LRP5: variants seen among roughly 807,000 people sequenced by gnomAD.
LRP5 encodes the protein low-density lipoprotein receptor-related protein 5.
A neutral mutation model predicts 154.1 loss-of-function variants in LRP5; 62 were observed. That is an observed-to-expected ratio of 0.40 (90% CI 0.33 to 0.50). The LOEUF (loss-of-function observed/expected upper bound fraction) is 0.50. Among genes scored for constraint, LRP5 ranks in the 20% least tolerant of loss-of-function variants. The probability of loss-of-function intolerance (pLI) is 0.55; values close to 1 mark genes in which losing one functional copy is unlikely to be tolerated. For missense variants in LRP5, 1,915 were observed against 2,336.7 expected (o/e 0.82, Z 3.72); for synonymous variants, 966 against 1,011.5 (o/e 0.96, Z 0.85).
intron 5 of LRP5, among the ~76,000 whole-genome samples, chr11:68,385,922 C>G (rs1369514321): frequency 6.6e-6 from 1 of 152,056 alleles, no homozygotes; most frequent in Admixed American, 6.6e-5. Flanking sequence ...GGGTCTGCAG[C>G]CTGGTACCCG....
At position 68,410,103 on chromosome 11, in the gene LRP5, G is replaced by T; in HGVS notation, c.2281G>T (p.Asp761Tyr). 1 of 1,613,952 alleles carries T rather than the reference G, an allele frequency of 6.2e-7. No homozygotes were observed. The highest frequency in any genetic ancestry group is 8.5e-7 in the Non-Finnish European group (1 of 1,180,030). Residue 761 changes from aspartate (D) to tyrosine (Y), a missense_variant, in exon 10 of 23, where the codon GAC becomes TAC. Physicochemically the swap from Asp to Tyr is radical, Grantham distance 160. This residue lies in a region of LRP5 where 773 missense variants were observed against 1,100.9 expected (regional missense o/e 0.70). Coordinates refer to ENST00000294304, the MANE Select transcript of LRP5 (RefSeq NM_002335.4). Reference protein sequence around the residue: ...FRQVLVWRDLDNPRSLALDPT... With the variant: ...FRQVLVWRDLYNPRSLALDPT... ...GCAAGTCCTCGTGTGGAGGGACTTG[G>T]ACAACCCGAGGTCGCTGGCCCTGGA... is the stretch of plus-strand genomic sequence containing the variant.
rs143929274 is a variant in LRP5 at position 68,371,394 on chromosome 11, C to T, written c.1015+5692C>T. ...GGTGAGTCAGAGCCGGACCTGTGAGCGGGGCCAGAATGGGGCGCGGGCTTC... is the reference window on the plus strand; with the variant it reads ...GGTGAGTCAGAGCCGGACCTGTGAGTGGGGCCAGAATGGGGCGCGGGCTTC... On this transcript the variant is annotated intron_variant, in intron 5 of 22. Coordinates refer to ENST00000294304, the MANE Select transcript of LRP5 (RefSeq NM_002335.4). Among the ~76,000 whole-genome samples the T allele has an allele frequency of 7.1e-3, 1,081 of 152,294 alleles. 12 individuals carry two copies. The highest frequency in any genetic ancestry group is 0.025 in the African/African-American group (1,037 of 41,554).
chr11:68,311,560 G>A (rs1461485237), upstream of LRP5, among the ~76,000 whole-genome samples: 10 of 152,112 alleles, frequency 6.6e-5, no homozygotes, highest in Non-Finnish European at 7.4e-5. Context: ...TTAATTTTCC[G>A]TCTTCTTGTT....
rs1304872354 is a variant in LRP5 at position 68,447,797 on chromosome 11, A to G, written c.4587-1012A>G. Among the ~76,000 whole-genome samples the G allele has an allele frequency of 2.0e-5, 3 of 152,026 alleles. No homozygotes were observed. The highest frequency in any genetic ancestry group is 4.4e-5 in the Non-Finnish European group (3 of 68,006). ...TCTGTGACAGGACGGGGGCTCCTAA[A>G]CACACCACAGTTCCGAGTCTGAACT... On this transcript the variant is annotated intron_variant, in intron 22 of 22. Coordinates refer to ENST00000294304, the MANE Select transcript of LRP5 (RefSeq NM_002335.4). The surrounding 1 kb of genome is among the most constrained non-coding windows in gnomAD (Gnocchi z 4.3).
intron 6 of LRP5, among the ~76,000 whole-genome samples, chr11:68,389,568 C>T (rs1363110599): frequency 6.6e-6 from 1 of 151,662 alleles, no homozygotes; most frequent in East Asian, 1.9e-4. Flanking sequence ...CGACGTTTAC[C>T]GACGCCAGCA....
At chr11:68,406,852 G>T in intron 9 of LRP5, 39 bp downstream of exon 9, 1 of 1,606,238 alleles carries the variant, frequency 6.2e-7, no homozygotes, top group Non-Finnish European at 8.5e-7. Context: ...CAGCCTTTAT[G>T]GGAAAACCTT....
At chr11:68,313,700 T>A (rs1396387094) in intron 1 of LRP5, among the ~76,000 whole-genome samples, 1 of 152,262 alleles carries the variant, frequency 6.6e-6, no homozygotes, top group Non-Finnish European at 1.5e-5. Context: ...GATGTGCGTG[T>A]TTTGTTTTTC....
At chr11:68,389,214 GCTGGCATCTACTGACACCGATGCCAGCA>G (rs2098644815) in intron 6 of LRP5, among the ~76,000 whole-genome samples, 8 of 150,690 alleles carry the variant, frequency 5.3e-5, no homozygotes, top group South Asian at 2.1e-4. Context: ...ATCTACTGAC[GCTGGCATCTACTGACACCGATGCCAGCA>G]TCTACCAACA....
chr11:68,329,486 C>T (rs1443340906), intron 1 of LRP5, among the ~76,000 whole-genome samples: 10 of 152,212 alleles, frequency 6.6e-5, no homozygotes, highest in Admixed American at 5.9e-4. Flanking sequence ...TTGAATTATA[C>T]GAGTGTTTTC....
Position 68,353,716 on chromosome 11 carries a change from G to C in LRP5, c.489-3934G>C, listed in dbSNP as rs1023536483. On this transcript the variant is annotated intron_variant, in intron 2 of 22. Coordinates refer to ENST00000294304, the MANE Select transcript of LRP5 (RefSeq NM_002335.4). The surrounding 1 kb of genome is among the most constrained non-coding windows in gnomAD (Gnocchi z 4.5). ...CCTCCTGCAGTGCTGTCCCCCACCA[G>C]GGTCCTTCCTCAGAGGAGGGGGTTC... Among the ~76,000 whole-genome samples, 1 of 152,176 alleles carries C rather than the reference G, an allele frequency of 6.6e-6. No homozygotes were observed. Among genetic ancestry groups the C allele is most frequent in the South Asian group, 2.1e-4 (1 of 4,822 alleles).
chr11:68,429,835 T>G, intron 17 of LRP5, 135 bp downstream of exon 17: 1 of 1,158,848 alleles, frequency 8.6e-7, no homozygotes, highest in Non-Finnish European at 1.3e-6. Context: ...GTGTCTTCCT[T>G]TGCCCTCCTT....
chr11:68,378,090 G>A (rs577744862), intron 5 of LRP5, among the ~76,000 whole-genome samples: 26 of 152,334 alleles, frequency 1.7e-4, no homozygotes, highest in Non-Finnish European at 2.8e-4. Flanking sequence ...GGGGCCCTGC[G>A]GCTGGGTGAT....
chr11:68,446,807 G>C (rs1236475700), intron 22 of LRP5, among the ~76,000 whole-genome samples: 1 of 152,186 alleles, frequency 6.6e-6, no homozygotes, highest in African/African-American at 2.4e-5. Context: ...TTTAAGCTGG[G>C]AAATGGCTGT....
rs1455321940 is a variant in LRP5, at chr11:68,446,496, T to C, written c.4549T>C (p.Tyr1517His). The C allele has an allele frequency of 6.2e-7, 1 of 1,614,162 alleles. No individual in the cohort carries two copies. The highest frequency in any genetic ancestry group is 8.5e-7 in the Non-Finnish European group (1 of 1,180,018). Residue 1517 changes from tyrosine (Y) to histidine (H), a missense_variant, in exon 22 of 23, where the codon TAC becomes CAC. Transcript: ENST00000294304. ...DPSLYNMDMFYSSNIPATARP... is the reference protein window; with the variant it reads ...DPSLYNMDMFHSSNIPATARP... ...CTCCCTGTACAACATGGACATGTTC[T>C]ACTCTTCAAACATTCCGGCCACTGC...
At chr11:68,366,075 C>CT (rs1385084691) in intron 5 of LRP5, among the ~76,000 whole-genome samples, 2 of 152,124 alleles carry the variant, frequency 1.3e-5, no homozygotes, top group Admixed American at 1.3e-4. Context: ...GGGGCGGGCC[C>CT]TTCGGGAAAT....
chr11:68,421,780 G>A (rs2098665891), intron 13 of LRP5, among the ~76,000 whole-genome samples: 1 of 139,616 alleles, frequency 7.2e-6, no homozygotes, highest in Non-Finnish European at 1.5e-5. Context: ...TTCCATCTGG[G>A]GGTGTGTGTG....
At chr11:68,407,369 A>G (rs2098656335) in intron 9 of LRP5, among the ~76,000 whole-genome samples, 1 of 151,314 alleles carries the variant, frequency 6.6e-6, no homozygotes. Context: ...ACAGGGTTTC[A>G]TCATGTTGGC....
At chr11:68,372,873 T>C (rs2098635064) in intron 5 of LRP5, among the ~76,000 whole-genome samples, 1 of 151,734 alleles carries the variant, frequency 6.6e-6, no homozygotes, top group Non-Finnish European at 1.5e-5. Flanking sequence ...GCTTCAGGCG[T>C]GTGGCTCCCT....
intron 5 of LRP5, among the ~76,000 whole-genome samples, chr11:68,371,068 G>T (rs1262391505): frequency 2.0e-5 from 3 of 152,196 alleles, no homozygotes; most frequent in Non-Finnish European, 4.4e-5. Context: ...CTGGTGCTCG[G>T]TGTGGATGCT....
Sources: allele counts gnomAD v4.1 joint callset (sites outside exome capture counted in the v4.1 genomes callset), GRCh38; gene constraint gnomAD v4.1.1; regional missense constraint gnomAD v4.1.1; non-coding constraint Gnocchi (gnomAD v3.1); transcripts MANE v1.5; gene names NCBI Gene and HGNC (gene_info 2026-07-23, HGNC 2026-07-21).